ZFAND3: variants seen among roughly 807,000 people sequenced by gnomAD.
ZFAND3 encodes the protein AN1-type zinc finger protein 3.
A neutral mutation model predicts 29.6 loss-of-function variants in ZFAND3; 10 were observed. That is an observed-to-expected ratio of 0.34 (90% CI 0.21 to 0.57). ZFAND3 has a LOEUF of 0.57. ZFAND3 is among the 20% of genes least tolerant of loss of function. The pLI, the probability that ZFAND3 is intolerant of heterozygous loss-of-function variation, is 0.86. For synonymous variants in ZFAND3, 128 were observed against 112.6 expected, an observed-to-expected ratio of 1.14 and a Z score of -0.87; for missense variants, 230 against 304.5, an observed-to-expected ratio of 0.76 and a Z score of 1.82.
intron 1 of ZFAND3, among the ~76,000 whole-genome samples, chr6:37,839,027 G>A (rs2127372607): frequency 6.6e-6 from 1 of 152,204 alleles, no homozygotes; most frequent in African/African-American, 2.4e-5. Context: ...CATCTCCATT[G>A]TGTTTTGATT....
intron 1 of ZFAND3, among the ~76,000 whole-genome samples, chr6:37,881,616 C>G (rs1251910497): frequency 2.0e-5 from 3 of 152,118 alleles, no homozygotes; most frequent in Non-Finnish European, 2.9e-5. Context: ...GCTGCAGGAG[C>G]TTTGCTGTTT....
intron 5 of ZFAND3, among the ~76,000 whole-genome samples, chr6:38,145,647 A>G (rs9462389): frequency 0.12 from 18,035 of 152,232 alleles, 1,322 homozygotes; most frequent in East Asian, 0.29. Context: ...AGATCTGCAC[A>G]TCAGATCTTT....
intron 1 of ZFAND3, among the ~76,000 whole-genome samples, chr6:37,821,796 G>T (rs950031012): frequency 2.0e-5 from 3 of 152,172 alleles, no homozygotes; most frequent in African/African-American, 4.8e-5. Flanking sequence ...TTATATCAAG[G>T]CTTAGAAACT....
chr6:38,055,768 T>C (rs1369260021), intron 2 of ZFAND3, among the ~76,000 whole-genome samples: 1 of 152,188 alleles, frequency 6.6e-6, no homozygotes, highest in Admixed American at 6.5e-5. Flanking sequence ...CACTTTATCT[T>C]TTAGAAATGC....
intron 2 of ZFAND3, among the ~76,000 whole-genome samples, chr6:37,957,279 A>G (rs1239544161): frequency 6.6e-6 from 1 of 151,640 alleles, no homozygotes; most frequent in African/African-American, 2.4e-5. Flanking sequence ...CATTTCTTAT[A>G]TCCTTAGTCT....
intron 5 of ZFAND3, among the ~76,000 whole-genome samples, chr6:38,144,190 T>TATTATATATATATATA (rs1562015733): frequency 2.9e-4 from 12 of 41,144 alleles, no homozygotes; most frequent in African/African-American, 1.6e-3. Flanking sequence ...ATATAATATA[T>TATTATATATATATATA]ATATATATAT....
At chr6:38,017,576 A>G (rs890627957) in intron 2 of ZFAND3, among the ~76,000 whole-genome samples, 7 of 152,170 alleles carry the variant, frequency 4.6e-5, no homozygotes, top group African/African-American at 1.7e-4. Flanking sequence ...ACTGTAAACA[A>G]TGTTCTTAAA....
intron 4 of ZFAND3, among the ~76,000 whole-genome samples, chr6:38,092,929 A>G (rs573264747): frequency 1.3e-5 from 2 of 152,312 alleles, no homozygotes; most frequent in South Asian, 2.1e-4. Flanking sequence ...AAACTAACCT[A>G]TCAGGAGACT....
chr6:37,860,558 T>C (rs1002147832), intron 1 of ZFAND3, among the ~76,000 whole-genome samples: 1 of 151,982 alleles, frequency 6.6e-6, no homozygotes, highest in Non-Finnish European at 1.5e-5. Flanking sequence ...TCATTTTGAG[T>C]AAGAAATTGA....
chr6:37,828,574 T>C (rs114043436), intron 1 of ZFAND3, among the ~76,000 whole-genome samples: 2,151 of 152,202 alleles, frequency 0.014, 60 homozygotes, highest in African/African-American at 0.049. Flanking sequence ...GAAGGTATGG[T>C]GATTTCAATG....
chr6:38,110,968 A>G (rs569609158), intron 4 of ZFAND3, among the ~76,000 whole-genome samples: 4 of 152,342 alleles, frequency 2.6e-5, no homozygotes, highest in African/African-American at 9.6e-5. Context: ...GCATGACACA[A>G]TTTATTTGGA....
chr6:38,094,464 T>C (rs1182300261), intron 4 of ZFAND3, among the ~76,000 whole-genome samples: 2 of 152,188 alleles, frequency 1.3e-5, no homozygotes, highest in African/African-American at 4.8e-5. Context: ...TTGGATATGA[T>C]CCTACTCCAC....
Position 37,943,376 on chromosome 6 carries a change from G to A in ZFAND3, c.112+13377G>A, listed in dbSNP as rs7741926. On this transcript the variant is annotated intron_variant, in intron 2 of 5. Coordinates refer to ENST00000287218, the MANE Select transcript of ZFAND3 (RefSeq NM_021943.3). ...CTTCTCCTCAACACTGTTTTAACCT[G>A]TAGCTAAACTGACAGTCCAGGAGAT... Among the ~76,000 whole-genome samples the A allele has an allele frequency of 7.5e-3, 1,144 of 152,268 alleles. 11 individuals carry two copies. Among genetic ancestry groups the A allele is most frequent in the African/African-American group, 0.026 (1,063 of 41,566 alleles).
intron 1 of ZFAND3, among the ~76,000 whole-genome samples, chr6:37,887,471 C>G (rs1765016293): frequency 6.6e-6 from 1 of 152,004 alleles, no homozygotes; most frequent in African/African-American, 2.4e-5. Context: ...TGAGGAAAGT[C>G]ATAATCAAAT....
In ZFAND3 at chr6:37,996,360, T is replaced by G. The variant is rs150278228; in HGVS notation, c.113-65233T>G. The stretch of plus-strand genomic sequence containing the variant: ...CTTAACATTTATCATACACTTGTTA[T>G]GTACTTATTTCTTTTTTATTATCAC... On this transcript the variant is annotated intron_variant, in intron 2 of 5. Coordinates refer to ENST00000287218, the MANE Select transcript of ZFAND3 (RefSeq NM_021943.3). 5.4e-3 allele frequency among the ~76,000 whole-genome samples: 818 copies of G among 152,334 alleles called. 11 individuals are homozygous for G. Among genetic ancestry groups the G allele is most frequent in the African/African-American group, 0.018 (766 of 41,568 alleles).
At chr6:38,106,256 G>A (rs1324495625) in intron 4 of ZFAND3, among the ~76,000 whole-genome samples, 1 of 151,764 alleles carries the variant, frequency 6.6e-6, no homozygotes, top group Non-Finnish European at 1.5e-5. Context: ...AGGTTCAAGC[G>A]ATTCTCCTGC....
Position 38,065,187 on chromosome 6 carries a change from G to A in ZFAND3, c.295+3412G>A, listed in dbSNP as rs145475135. 2.0e-4 allele frequency among the ~76,000 whole-genome samples: 31 copies of A among 152,028 alleles called. No homozygotes were observed. The East Asian group carries it at 5.0e-3, about 25-fold the overall frequency. ...AAAAATTAGCCGAGCATGGTAGTGC[G>A]CACCTGTAGTCCCAGCTACTCGGGA... On this transcript the variant is annotated intron_variant, in intron 3 of 5. Transcript: ENST00000287218.
At chr6:37,914,671 TC>T (rs1344798925) in intron 1 of ZFAND3, among the ~76,000 whole-genome samples, 12 of 115,846 alleles carry the variant, frequency 1.0e-4, no homozygotes, top group South Asian at 2.5e-4. Context: ...TCTTTTTTTT[TC>T]TTTTTTTTTT....
chr6:38,025,793 A>G (rs1376539749), intron 2 of ZFAND3, among the ~76,000 whole-genome samples: 1 of 152,224 alleles, frequency 6.6e-6, no homozygotes, highest in Non-Finnish European at 1.5e-5. Flanking sequence ...GTATGATTTC[A>G]CTTATATGAA....
Sources: allele counts gnomAD v4.1 joint callset (sites outside exome capture counted in the v4.1 genomes callset), GRCh38; gene constraint gnomAD v4.1.1; transcripts MANE v1.5; gene names NCBI Gene and HGNC (gene_info 2026-07-23, HGNC 2026-07-21).